CPEB1: variants seen among roughly 807,000 people sequenced by gnomAD.
The protein encoded by CPEB1 is cytoplasmic polyadenylation element binding protein 1.
A neutral mutation model predicts 65.8 loss-of-function variants in CPEB1; 7 were observed. The ratio of observed to expected loss-of-function variants is 0.11; its 90% CI spans 0.06 to 0.20. The LOEUF is 0.20. Among genes scored for constraint, CPEB1 ranks in the 10% least tolerant of loss-of-function variants. The pLI, the probability that CPEB1 is intolerant of heterozygous loss-of-function variation, is 1.00. For missense variants in CPEB1, 551 were observed against 712.2 expected (o/e 0.77, Z 2.58); for synonymous variants, 262 against 260.0 (o/e 1.01, Z -0.08).
Position 82,549,673 on chromosome 15 carries a change from A to C in CPEB1, c.1282-15T>G. ...ATCACCTGCACCTGAAAACCACCCA[A>C]AGGTGTATCAGCCCTGGCAGAGAGC... On this transcript the variant is annotated splice_polypyrimidine_tract_variant and intron_variant, in intron 9 of 12. Coordinates refer to ENST00000684509, the MANE Select transcript of CPEB1 (RefSeq NM_001365242.1). 2 of 1,611,858 alleles carry C rather than the reference A, an allele frequency of 1.2e-6. No individual in the cohort carries two copies. The highest frequency in any genetic ancestry group is 1.7e-6 in the Non-Finnish European group (2 of 1,178,018).
intron 7 of CPEB1, 21 bp from the exon 8 acceptor site, chr15:82,553,577 ATG>A (rs1330349832): frequency 1.3e-6 from 2 of 1,555,866 alleles, no homozygotes; most frequent in East Asian, 4.5e-5. Flanking sequence ...ACAGAAAAGA[ATG>A]GCAGAAGCTG....
intron 3 of CPEB1, among the ~76,000 whole-genome samples, chr15:82,601,064 C>T (rs1046139966): frequency 5.3e-5 from 8 of 150,960 alleles, no homozygotes; most frequent in Non-Finnish European, 7.4e-5. Context: ...GCCACCACAC[C>T]GAGCTAATTT....
At chr15:82,629,726 T>G in intron 1 of CPEB1, 1 of 985,430 alleles carries the variant, frequency 1.0e-6, no homozygotes, top group Non-Finnish European at 1.2e-6. Flanking sequence ...GTAATGAAAC[T>G]GGCACTTAAT....
chr15:82,622,855 T>A (rs573660902), intron 3 of CPEB1, among the ~76,000 whole-genome samples: 1 of 152,298 alleles, frequency 6.6e-6, no homozygotes, highest in East Asian at 1.9e-4. Flanking sequence ...CAAAGCCACA[T>A]CCTACCCCAC....
chr15:82,561,729 T>C (rs1219220084), intron 4 of CPEB1, among the ~76,000 whole-genome samples: 2 of 152,240 alleles, frequency 1.3e-5, no homozygotes, highest in East Asian at 3.8e-4. Context: ...AACTTGAAAG[T>C]TCTCTACTGT....
chr15:82,553,708 C>A (rs1596005333), intron 7 of CPEB1, 152 bp from the exon 8 acceptor site: 1 of 769,554 alleles, frequency 1.3e-6, no homozygotes, highest in East Asian at 2.7e-5. Context: ...AAGCTCCCGA[C>A]ATAAGGAGCA....
chr15:82,584,922 T>TA (rs2041656872), intron 3 of CPEB1, among the ~76,000 whole-genome samples: 3 of 143,318 alleles, frequency 2.1e-5, no homozygotes, highest in Admixed American at 7.0e-5. Context: ...TTTTTTTTTT[T>TA]ACAGTGAACA....
At chr15:82,621,448 C>T (rs934264534) in intron 3 of CPEB1, among the ~76,000 whole-genome samples, 2 of 152,142 alleles carry the variant, frequency 1.3e-5, no homozygotes, top group African/African-American at 4.8e-5. Flanking sequence ...ATGGAGAAAC[C>T]CCGTCTCTAC....
intron 5 of CPEB1, 37 bp downstream of exon 5, chr15:82,557,723 C>A (rs1427652040): frequency 6.3e-7 from 1 of 1,582,900 alleles, no homozygotes; most frequent in Non-Finnish European, 8.7e-7. Context: ...ACAGGCAACT[C>A]CACCCACAAC....
In CPEB1 at chr15:82,544,627, G is replaced by T. The variant is rs2034838379; in HGVS notation, c.1732C>A (p.Leu578Met). The stretch of plus-strand genomic sequence containing the variant: ...TCTCGGTTCTTCTGGTTCCGCATCA[G>T]GGGGCTGTGGTGGCGCAGGCCCTCC... ...SMEGLRHHSP[L>M]MRNQKNRDSS The change falls in exon 13 of 13, where the codon CTG (leucine) becomes ATG (methionine). Residue 578 changes from leucine to methionine, a missense_variant. Leu to Met is a conservative substitution (Grantham distance 15, BLOSUM62 2). This residue lies in a region of CPEB1 where 98 missense variants were observed against 157.6 expected (regional missense o/e 0.62). Coordinates refer to ENST00000684509, the MANE Select transcript of CPEB1 (RefSeq NM_001365242.1). 2 of 1,613,024 alleles carry T rather than the reference G, an allele frequency of 1.2e-6. No homozygotes were observed. Among genetic ancestry groups the T allele is most frequent in the South Asian group, 2.2e-5 (2 of 91,006 alleles).
chr15:82,558,697 AG>A (rs138252833), intron 4 of CPEB1, among the ~76,000 whole-genome samples: 321 of 152,318 alleles, frequency 2.1e-3, no homozygotes, highest in African/African-American at 7.5e-3. Flanking sequence ...ACTGGCATTT[AG>A]GGTGGAGTAT....
At chr15:82,561,770 A>G (rs536976949) in intron 4 of CPEB1, among the ~76,000 whole-genome samples, 1 of 152,248 alleles carries the variant, frequency 6.6e-6, no homozygotes, top group East Asian at 1.9e-4. Flanking sequence ...GCTTTGTCAA[A>G]TTCCTGTACA....
At chr15:82,622,039 A>G (rs553665064) in intron 3 of CPEB1, among the ~76,000 whole-genome samples, 56 of 152,330 alleles carry the variant, frequency 3.7e-4, no homozygotes, top group African/African-American at 1.3e-3. Context: ...ACATCTTTAC[A>G]GACACCGTTA....
At position 82,593,484 on chromosome 15, in the gene CPEB1, C is replaced by T. The variant is rs140277376; in HGVS notation, c.272-21952G>A. 1.6e-3 allele frequency among the ~76,000 whole-genome samples: 250 copies of T among 152,328 alleles called. 1 individual carries two copies. The highest frequency in any genetic ancestry group is 5.8e-3 in the African/African-American group (239 of 41,562). On this transcript the variant is annotated intron_variant, in intron 3 of 12. Coordinates refer to ENST00000684509, the MANE Select transcript of CPEB1 (RefSeq NM_001365242.1). ...TCCACTTTTAATCCTACTTCTCTTG[C>T]TATTTCCACCACGTGTGTAGTTACT...
intron 3 of CPEB1, among the ~76,000 whole-genome samples, chr15:82,600,265 T>C (rs897795674): frequency 4.1e-4 from 62 of 152,214 alleles, no homozygotes; most frequent in African/African-American, 1.5e-3. Context: ...GAGAGTGAAA[T>C]GATAAATGCC....
intron 3 of CPEB1, among the ~76,000 whole-genome samples, chr15:82,623,147 G>T (rs2045463370): frequency 1.3e-5 from 2 of 152,206 alleles, no homozygotes; most frequent in South Asian, 4.1e-4. Context: ...TAAGACTAAA[G>T]TAATTTTAAT....
intron 3 of CPEB1, among the ~76,000 whole-genome samples, chr15:82,621,287 C>T (rs1036269092): frequency 2.7e-5 from 4 of 150,746 alleles, no homozygotes; most frequent in Non-Finnish European, 5.9e-5. Context: ...AGTCTGAGAC[C>T]AGCCTGGGCA....
At chr15:82,610,293 A>C (rs990806475) in intron 3 of CPEB1, among the ~76,000 whole-genome samples, 2 of 152,168 alleles carry the variant, frequency 1.3e-5, no homozygotes, top group African/African-American at 4.8e-5. Flanking sequence ...AAAAAGAATA[A>C]ATACCAATTA....
At chr15:82,614,888 T>C (rs2044565073) in intron 3 of CPEB1, among the ~76,000 whole-genome samples, 1 of 151,804 alleles carries the variant, frequency 6.6e-6, no homozygotes, top group Non-Finnish European at 1.5e-5. Context: ...TGTATATATA[T>C]ATATGACCTC....
Sources: allele counts gnomAD v4.1 joint callset (sites outside exome capture counted in the v4.1 genomes callset), GRCh38; gene constraint gnomAD v4.1.1; regional missense constraint gnomAD v4.1.1; transcripts MANE v1.5; gene names NCBI Gene and HGNC (gene_info 2026-07-23, HGNC 2026-07-21).